The following PCBP3 variants were observed in gnomAD, a reference collection of about 807,000 sequenced individuals.
PCBP3 encodes poly(rC) binding protein 3.
A neutral mutation model predicts 52.7 loss-of-function variants in PCBP3; 25 were observed. The ratio of observed to expected loss-of-function variants is 0.47; its 90% CI spans 0.35 to 0.66. The LOEUF (loss-of-function observed/expected upper bound fraction) is 0.66, where lower values mean the gene tolerates loss of function less well. Ranked by LOEUF, PCBP3 falls within the 30% of genes least tolerant of loss-of-function variation. The probability of loss-of-function intolerance (pLI) is 0.01; values close to 1 mark genes in which losing one functional copy is unlikely to be tolerated. For synonymous variants in PCBP3, 162 were observed against 183.0 expected, an observed-to-expected ratio of 0.89 and a Z score of 0.93; for missense variants, 391 against 490.3, an observed-to-expected ratio of 0.80 and a Z score of 1.91.
intron 5 of PCBP3, among the ~76,000 whole-genome samples, chr21:45,857,454 C>A (rs1433368351): frequency 6.6e-6 from 1 of 152,154 alleles, no homozygotes; most frequent in African/African-American, 2.4e-5. Flanking sequence ...CAATGCTGAG[C>A]CTCCTGTATG....
At chr21:45,818,169 C>T (rs891160527) in intron 4 of PCBP3, among the ~76,000 whole-genome samples, 1 of 152,120 alleles carries the variant, frequency 6.6e-6, no homozygotes, top group African/African-American at 2.4e-5. Flanking sequence ...ACTACAGGTG[C>T]GTGCCACCAA....
At chr21:45,908,217 G>A (rs13047397) in intron 9 of PCBP3, among the ~76,000 whole-genome samples, 6,220 of 152,264 alleles carry the variant, frequency 0.041, 187 homozygotes, top group Non-Finnish European at 0.065. Flanking sequence ...CTCCATTCAA[G>A]GAGTTTTCCT....
chr21:45,795,849 G>GA (rs919588224), intron 4 of PCBP3, among the ~76,000 whole-genome samples: 6 of 152,212 alleles, frequency 3.9e-5, no homozygotes, highest in African/African-American at 1.4e-4. Context: ...GAGAAGGTGT[G>GA]AAACCTTAAA....
chr21:45,894,079 G>A, intron 5 of PCBP3: 1 of 974,548 alleles, frequency 1.0e-6, no homozygotes, highest in Non-Finnish European at 1.2e-6. Context: ...CTTCCGAGTG[G>A]TCTGCAGCTC....
chr21:45,736,582 G>A lies in PCBP3; in HGVS notation c.-162+1153G>A, dbSNP rs369734649. On this transcript the variant is annotated intron_variant, in intron 3 of 17. Coordinates refer to ENST00000681687, the MANE Select transcript of PCBP3 (RefSeq NM_001384156.1). This position sits in a 1 kb window ranked among gnomAD's most constrained non-coding sequence, Gnocchi z 4.6. ...GGGGAGGCCCTCGGAGAGATGGCAT[G>A]GGGAGTTGGCAGGGGGAGGCTCTCG... Among the ~76,000 whole-genome samples, 3 of 152,170 alleles carry A rather than the reference G, an allele frequency of 2.0e-5. No individual in the cohort carries two copies. The East Asian group carries it at 5.8e-4, about 29-fold the overall frequency.
intron 4 of PCBP3, among the ~76,000 whole-genome samples, chr21:45,845,952 C>A (rs1192374534): frequency 6.6e-6 from 1 of 152,222 alleles, no homozygotes; most frequent in African/African-American, 2.4e-5. Flanking sequence ...GGATCCCATG[C>A]CTCCTTCATC....
chr21:45,901,695 GAGAGAGAGAGGAAGAC>G (rs2096053310), intron 9 of PCBP3: 1 of 147,682 alleles, frequency 6.8e-6, no homozygotes, highest in Non-Finnish European at 1.5e-5. Context: ...AGAGAGATGA[GAGAGAGAGAGGAAGAC>G]AGAGAGAGAG....
chr21:45,806,619 C>T (rs2146908635), intron 4 of PCBP3, among the ~76,000 whole-genome samples: 1 of 152,098 alleles, frequency 6.6e-6, no homozygotes, highest in East Asian at 1.9e-4. Flanking sequence ...GTGGGTATTT[C>T]ATCGTTCTTT....
At chr21:45,703,864 T>A (rs1265169799) in intron 2 of PCBP3, among the ~76,000 whole-genome samples, 1 of 152,142 alleles carries the variant, frequency 6.6e-6, no homozygotes, top group Non-Finnish European at 1.5e-5. Context: ...GCTCTTGGCT[T>A]GATAGCCTAG....
intron 2 of PCBP3, among the ~76,000 whole-genome samples, chr21:45,688,020 C>A (rs367981437): frequency 6.6e-6 from 1 of 152,046 alleles, no homozygotes; most frequent in Non-Finnish European, 1.5e-5. Context: ...CATGAGCCAC[C>A]GTGCCTGGTC....
chr21:45,784,405 TACC>T (rs1452103401), intron 4 of PCBP3, among the ~76,000 whole-genome samples: 8 of 137,408 alleles, frequency 5.8e-5, no homozygotes, highest in African/African-American at 1.8e-4. Flanking sequence ...CCGCTACCTC[TACC>T]GCTACCGCTA....
chr21:45,689,282 A>C (rs2082329709), intron 2 of PCBP3, among the ~76,000 whole-genome samples: 1 of 152,124 alleles, frequency 6.6e-6, no homozygotes, highest in Non-Finnish European at 1.5e-5. Flanking sequence ...CTAGGAATGC[A>C]AGGTTGGTTT....
At chr21:45,838,687 G>T (rs1422862807) in intron 4 of PCBP3, among the ~76,000 whole-genome samples, 2 of 152,032 alleles carry the variant, frequency 1.3e-5, no homozygotes, top group Non-Finnish European at 2.9e-5. Context: ...TATATAACAG[G>T]TTTGGAGAAT....
chr21:45,939,392 C>T (rs1009152798), intron 16 of PCBP3, among the ~76,000 whole-genome samples: 3 of 152,240 alleles, frequency 2.0e-5, no homozygotes, highest in African/African-American at 7.2e-5. Flanking sequence ...CAAGGAGCAC[C>T]CTCATTCTTG....
intron 5 of PCBP3, chr21:45,858,576 C>G (rs1419215049): frequency 1.3e-5 from 2 of 152,180 alleles, no homozygotes; most frequent in East Asian, 3.8e-4. Flanking sequence ...CTGCAGCTGT[C>G]TGCTTAGGAC....
intron 3 of PCBP3, among the ~76,000 whole-genome samples, chr21:45,740,029 T>C (rs1167148095): frequency 1.3e-5 from 2 of 152,240 alleles, no homozygotes; most frequent in Admixed American, 6.5e-5. Flanking sequence ...TGCTTTTGCC[T>C]GAGTCCATTC....
chr21:45,910,192 C>A (rs1474315991), intron 10 of PCBP3, among the ~76,000 whole-genome samples: 2 of 86,354 alleles, frequency 2.3e-5, no homozygotes, highest in African/African-American at 5.5e-5. Flanking sequence ...CCCCCCCCAC[C>A]CACTGCCCAG....
chr21:45,744,917 C>T (rs577724438), intron 3 of PCBP3, among the ~76,000 whole-genome samples: 1 of 152,258 alleles, frequency 6.6e-6, no homozygotes, highest in East Asian at 1.9e-4. Flanking sequence ...TTTTAAGTAT[C>T]ATGTTTGCCC....
rs568940906 is a variant in PCBP3, at chr21:45,919,937, G to A, written c.717+2308G>A. Among the ~76,000 whole-genome samples the A allele has an allele frequency of 7.2e-5, 11 of 152,358 alleles. No individual in the cohort carries two copies. The South Asian group carries it at 2.3e-3, about 32-fold the overall frequency. ...AGCCTGTGTGAAGGAAGATGAAGATGGAAGCCAGGGGAGTCAGAGGCGACT... is the reference window on the plus strand; with the variant it reads ...AGCCTGTGTGAAGGAAGATGAAGATAGAAGCCAGGGGAGTCAGAGGCGACT... On this transcript the variant is annotated intron_variant, in intron 13 of 17. Transcript: ENST00000681687.
Sources: gnomAD v4.1 joint callset for allele counts (sites outside exome capture counted in the v4.1 genomes callset) on GRCh38, gnomAD v4.1.1 for gene constraint, Gnocchi (gnomAD v3.1) non-coding constraint, MANE v1.5 for transcripts, NCBI Gene and HGNC (gene_info 2026-07-23, HGNC 2026-07-21) for gene names.